The following XKRX variants were observed in gnomAD, a reference collection of about 807,000 sequenced individuals.
XKRX encodes XK-related protein 2.
A neutral mutation model predicts 22.4 loss-of-function variants in XKRX; 11 were observed. The observed-to-expected ratio is 0.49, with a 90% CI of 0.31 to 0.81. The LOEUF is 0.81. XKRX is among the 40% of genes least tolerant of loss of function. XKRX has a pLI of 0.05. For synonymous variants in XKRX, 114 were observed against 132.2 expected (o/e 0.86, Z 0.94); for missense variants, 320 against 336.5 (o/e 0.95, Z 0.38).
chrX:100,918,408 G>A (rs1248771322), intron 2 of XKRX, among the ~76,000 whole-genome samples: 1 of 111,802 alleles, frequency 8.9e-6, no homozygotes, highest in Non-Finnish European at 1.9e-5. Flanking sequence ...ACATCCAGCT[G>A]TGTGGCGATG....
At chrX:100,936,566 A>AAAAG in the XKRX span, among the ~76,000 whole-genome samples, 1 of 90,669 alleles carries the variant, frequency 1.1e-5, no homozygotes, top group African/African-American at 6.1e-5. Context: ...AAAAAAAAAA[A>AAAAG]AAAAGAAAAG....
the XKRX span, among the ~76,000 whole-genome samples, chrX:100,952,321 T>C: frequency 9.1e-6 from 1 of 109,589 alleles, no homozygotes; most frequent in Admixed American, 9.9e-5. Context: ...GTAAAGAATA[T>C]CCACCAAAAA....
chrX:100,917,666 AAAGAAAGAAAAGAAAG>A (rs1185311693), intron 2 of XKRX, among the ~76,000 whole-genome samples: 5 of 33,476 alleles, frequency 1.5e-4, no homozygotes, highest in Non-Finnish European at 2.2e-4. Flanking sequence ...AGAAAGAAAG[AAAGAAAGAAAAGAAAG>A]AAAGAAAGAA....
chrX:100,935,918 C>T, the XKRX span, among the ~76,000 whole-genome samples: 1 of 110,321 alleles, frequency 9.1e-6, no homozygotes, highest in Non-Finnish European at 1.9e-5. Context: ...GCCCAAGATT[C>T]GTGAACTTTC....
At chrX:100,927,738 G>C (rs1204415) in intron 1 of XKRX, among the ~76,000 whole-genome samples, 25,986 of 111,222 alleles carry the variant, frequency 0.23, 2,437 homozygotes, top group African/African-American at 0.31. Context: ...GTTTACACAG[G>C]CCAAATAGCA....
chrX:100,936,563 A>G, the XKRX span, among the ~76,000 whole-genome samples: 2 of 90,714 alleles, frequency 2.2e-5, no homozygotes, highest in East Asian at 3.2e-4. Flanking sequence ...AAAAAAAAAA[A>G]AAAAAAAGAA....
chrX:100,942,949 C>T, the XKRX span, among the ~76,000 whole-genome samples: 1 of 111,662 alleles, frequency 9.0e-6, no homozygotes, highest in South Asian at 3.8e-4. Flanking sequence ...TCCACTCCCC[C>T]CAAACTCACC....
chrX:100,944,507 C>T, the XKRX span, among the ~76,000 whole-genome samples: 4 of 111,190 alleles, frequency 3.6e-5, no homozygotes, highest in African/African-American at 1.3e-4. Context: ...GAATTACAGA[C>T]GCCCGCCACC....
At chrX:100,891,763 A>AAGAAAGAAAGAAAGAAAG in the XKRX span, among the ~76,000 whole-genome samples, 3 of 59,194 alleles carry the variant, frequency 5.1e-5, no homozygotes, top group African/African-American at 1.7e-4. Flanking sequence ...AAGAAAGAAG[A>AAGAAAGAAAGAAAGAAAG]AAAGAAAGAA....
the XKRX span, among the ~76,000 whole-genome samples, chrX:100,948,906 G>A: frequency 8.9e-6 from 1 of 112,410 alleles, no homozygotes; most frequent in Admixed American, 9.4e-5. Context: ...GTATTAGTGG[G>A]GCCATCCCTA....
intron 2 of XKRX, among the ~76,000 whole-genome samples, chrX:100,917,710 G>GA (rs1569454797): frequency 9.4e-6 from 1 of 106,630 alleles, no homozygotes; most frequent in East Asian, 2.9e-4. Context: ...AAGAAAGAAA[G>GA]AAAGAAAGAA....
chrX:100,941,410 G>A, the XKRX span, among the ~76,000 whole-genome samples: 1 of 111,217 alleles, frequency 9.0e-6, no homozygotes, highest in Non-Finnish European at 1.9e-5. Flanking sequence ...TTAGCTAGGC[G>A]TGGTGGTGCA....
At chrX:100,926,759 C>A (rs1021631449) in intron 1 of XKRX, among the ~76,000 whole-genome samples, 5 of 112,117 alleles carry the variant, frequency 4.5e-5, no homozygotes, top group African/African-American at 1.3e-4. Context: ...CTTTCCACTT[C>A]AAGGCAATCT....
downstream of XKRX, among the ~76,000 whole-genome samples, chrX:100,913,211 A>G (rs367981662): frequency 2.7e-5 from 3 of 109,666 alleles, no homozygotes; most frequent in South Asian, 3.9e-4. Context: ...AAAGAAAAAA[A>G]AAAAAAGTAA....
the XKRX span, among the ~76,000 whole-genome samples, chrX:100,903,188 G>A: frequency 2.5e-4 from 28 of 111,557 alleles, no homozygotes; most frequent in East Asian, 6.2e-3. Context: ...AGGCAAGAAC[G>A]TTTCATCTCA....
the XKRX span, among the ~76,000 whole-genome samples, chrX:100,895,508 G>A: frequency 9.0e-5 from 10 of 111,649 alleles, no homozygotes; most frequent in African/African-American, 3.3e-4. Flanking sequence ...TCACACTTAG[G>A]TAAAGTCGAC....
chrX:100,955,983 A>G, the XKRX span, among the ~76,000 whole-genome samples: 1 of 112,158 alleles, frequency 8.9e-6, no homozygotes, highest in Admixed American at 9.5e-5. Context: ...TAGACTGGAT[A>G]AAGAAAATGT....
chrX:100,934,947 TTGAC>T, the XKRX span, among the ~76,000 whole-genome samples: 10 of 110,505 alleles, frequency 9.0e-5, no homozygotes, highest in Non-Finnish European at 1.7e-4. Context: ...GCTAAATTGA[TTGAC>T]TGAGAGAGAG....
chrX:100,931,153 TAA>T (rs3833915), upstream of XKRX, among the ~76,000 whole-genome samples: 852 of 87,141 alleles, frequency 9.8e-3, 7 homozygotes, highest in African/African-American at 0.032. Flanking sequence ...AAATTAAAAA[TAA>T]AAAAAAAAAA....
Sources: gnomAD v4.1 joint callset for allele counts (sites outside exome capture counted in the v4.1 genomes callset) on GRCh38, gnomAD v4.1.1 for gene constraint, MANE v1.5 for transcripts, NCBI Gene and HGNC (gene_info 2026-07-23, HGNC 2026-07-21) for gene names.